VIT: variants seen among roughly 807,000 people sequenced by gnomAD.
VIT encodes the protein vitrin.
A neutral mutation model predicts 78.0 loss-of-function variants in VIT; 99 were observed. The observed-to-expected ratio is 1.27, with a 90% CI of 1.08 to 1.50. VIT has a LOEUF of 1.50. VIT is among the 40% of genes most tolerant of loss of function. VIT has a pLI of 0.00. For missense variants in VIT, 1,126 were observed against 875.3 expected (o/e 1.29, Z -3.61); for synonymous variants, 374 against 334.3 (o/e 1.12, Z -1.29).
intron 4 of VIT, among the ~76,000 whole-genome samples, chr2:36,749,662 G>A (rs1332830290): frequency 6.6e-6 from 1 of 152,194 alleles, no homozygotes; most frequent in African/African-American, 2.4e-5. Flanking sequence ...TCAAACCCAA[G>A]TCCAGCTGAC....
At position 36,799,410 on chromosome 2, in the gene VIT, G is replaced by A. The variant is rs116751833; in HGVS notation, c.1059-1891G>A. 3.0e-3 allele frequency among the ~76,000 whole-genome samples: 464 copies of A among 152,252 alleles called. 5 individuals are homozygous for A. The highest frequency in any genetic ancestry group is 0.011 in the African/African-American group (450 of 41,548). On this transcript the variant is annotated intron_variant, in intron 12 of 15. Coordinates refer to ENST00000379242, the MANE Select transcript of VIT (RefSeq NM_053276.4). ...ATCCATTTCTGGTGTTTGTAGAAAG[G>A]CTACTTTAAAAAGTTTTCTTGGCCA...
chr2:36,805,308 G>GAAAAAAAAA, intron 13 of VIT, 130 bp from the exon 14 acceptor site: 2 of 585,210 alleles, frequency 3.4e-6, no homozygotes, highest in East Asian at 4.8e-5. Context: ...TGTCTCAAAG[G>GAAAAAAAAA]AAAAAAAAAA....
At position 36,753,177 on chromosome 2, in the gene VIT, T is replaced by C. The variant is rs573185777; in HGVS notation, c.276-1744T>C. Among the ~76,000 whole-genome samples the C allele has an allele frequency of 3.4e-5, 5 of 146,292 alleles. No homozygotes were observed. In the East Asian group the frequency reaches 1.0e-3, roughly 30 times the overall value. On this transcript the variant is annotated intron_variant, in intron 4 of 15. Transcript: ENST00000379242. ...TGATGAGAACACACGGAAACATGAG[T>C]TGGGGAGCAACACACACTGGGGCCT...
rs180978286 is a variant in VIT at position 36,787,852 on chromosome 2, G to A, written c.1058+576G>A. ...GAGAAGAATGGGTGGGAAGAGAGAC[G>A]GCCCCCATCAGTCAGCTGAGCACCT... On this transcript the variant is annotated intron_variant, in intron 12 of 15. Coordinates refer to ENST00000379242, the MANE Select transcript of VIT (RefSeq NM_053276.4). 7.2e-5 allele frequency: 33 copies of A among 455,710 alleles called. No individual in the cohort carries two copies. The East Asian group carries it at 2.0e-3, about 27-fold the overall frequency. The allele number at this position is 455,710 out of a possible 1,614,324, so 28.2% of individuals were successfully genotyped here.
At chr2:36,732,461 G>C (rs773185278) in intron 3 of VIT, among the ~76,000 whole-genome samples, 26 of 152,256 alleles carry the variant, frequency 1.7e-4, no homozygotes, top group Admixed American at 5.9e-4. Flanking sequence ...CCAAAACTCG[G>C]AGATATCTGA....
intron 1 of VIT, among the ~76,000 whole-genome samples, chr2:36,708,390 T>C (rs536699725): frequency 6.6e-6 from 1 of 152,302 alleles, no homozygotes; most frequent in African/African-American, 2.4e-5. Flanking sequence ...CGATGTAGCA[T>C]TGTAGATCAG....
intron 14 of VIT, 144 bp from the exon 15 acceptor site, chr2:36,808,328 C>T (rs1019263773): frequency 8.3e-6 from 10 of 1,208,144 alleles, no homozygotes; most frequent in Non-Finnish European, 1.1e-5. Context: ...CTGGGTGAAC[C>T]GAGATGGAAG....
chr2:36,776,924 C>A (rs1030217172), intron 9 of VIT, among the ~76,000 whole-genome samples: 2 of 150,484 alleles, frequency 1.3e-5, no homozygotes, highest in Non-Finnish European at 3.0e-5. Flanking sequence ...TCCGTCTCTA[C>A]TAAAAACACA....
At chr2:36,787,082 T>A (rs781359531) in intron 11 of VIT, 47 bp from the exon 12 acceptor site, 19 of 1,608,800 alleles carry the variant, frequency 1.2e-5, no homozygotes, top group Admixed American at 1.7e-5. Context: ...CCCAGGTAAA[T>A]GCAGTGAGAG....
At chr2:36,742,658 C>A (rs1667904965) in intron 3 of VIT, among the ~76,000 whole-genome samples, 1 of 152,188 alleles carries the variant, frequency 6.6e-6, no homozygotes, top group African/African-American at 2.4e-5. Flanking sequence ...CCAACCTTGT[C>A]CAGGTCATTC....
intron 6 of VIT, among the ~76,000 whole-genome samples, chr2:36,765,384 G>T (rs988467630): frequency 2.7e-5 from 4 of 150,334 alleles, no homozygotes; most frequent in African/African-American, 9.8e-5. Context: ...TGGCAGAAGG[G>T]GAAGCAGGCA....
At chr2:36,758,487 A>G (rs1420819430) in intron 5 of VIT, among the ~76,000 whole-genome samples, 1 of 152,070 alleles carries the variant, frequency 6.6e-6, no homozygotes, top group Non-Finnish European at 1.5e-5. Flanking sequence ...ACACATGGTT[A>G]TTTTCAAGGT....
At chr2:36,807,348 T>TC (rs1267436714) in intron 14 of VIT, among the ~76,000 whole-genome samples, 2 of 152,082 alleles carry the variant, frequency 1.3e-5, no homozygotes, top group South Asian at 2.1e-4. Flanking sequence ...AGCCCTGTGT[T>TC]CAGTCCAGCT....
intron 2 of VIT, 140 bp downstream of exon 2, chr2:36,716,562 G>C: frequency 1.4e-6 from 1 of 712,762 alleles, no homozygotes; most frequent in Non-Finnish European, 2.3e-6. Flanking sequence ...ATTTTGAAGA[G>C]ATGTTTTAAG....
intron 11 of VIT, among the ~76,000 whole-genome samples, chr2:36,783,906 C>G (rs1008930019): frequency 6.6e-6 from 1 of 152,176 alleles, no homozygotes; most frequent in Non-Finnish European, 1.5e-5. Context: ...AGGTTTATGT[C>G]TATCATTTTC....
chr2:36,701,116 A>AAAG (rs1665029101), intron 1 of VIT, among the ~76,000 whole-genome samples: 1 of 151,252 alleles, frequency 6.6e-6, no homozygotes, highest in African/African-American at 2.4e-5. Flanking sequence ...AAAAAAAAAA[A>AAAG]TGTACCTCCT....
At position 36,697,295 on chromosome 2, in the gene VIT, GTC is replaced by G. The variant is rs1055110441; in HGVS notation, c.-19+326_-19+327del. ...TGTGTAGAATTTTAAAGTAATTTAAGTCTCTATTATCTTGCTTTTTTAAAAAC... is the reference window on the plus strand; with the variant it reads ...TGTGTAGAATTTTAAAGTAATTTAAGTCTATTATCTTGCTTTTTTAAAAAC... On this transcript the variant is annotated intron_variant, in intron 1 of 15. Transcript: ENST00000379242. Among the ~76,000 whole-genome samples the G allele has an allele frequency of 2.5e-4, 38 of 152,290 alleles. 1 individual carries two copies. Among genetic ancestry groups the G allele is most frequent in the African/African-American group, 8.9e-4 (37 of 41,580 alleles).
chr2:36,779,819 C>T (rs1351089445), intron 9 of VIT, among the ~76,000 whole-genome samples: 6 of 152,212 alleles, frequency 3.9e-5, no homozygotes, highest in South Asian at 4.1e-4. Flanking sequence ...CTAAGAGTGA[C>T]TTACACTTCT....
At chr2:36,772,646 G>A (rs1046962342) in intron 7 of VIT, among the ~76,000 whole-genome samples, 1 of 152,254 alleles carries the variant, frequency 6.6e-6, no homozygotes. Flanking sequence ...GTTCAAGGCT[G>A]CAGTGAGCTA....
Sources: gnomAD v4.1 joint callset for allele counts (sites outside exome capture counted in the v4.1 genomes callset) on GRCh38, gnomAD v4.1.1 for gene constraint, MANE v1.5 for transcripts, NCBI Gene and HGNC (gene_info 2026-07-23, HGNC 2026-07-21) for gene names.